The following ARL15 variants were observed in gnomAD, a reference collection of about 807,000 sequenced individuals.
The protein encoded by ARL15 is ADP-ribosylation factor-like protein 15.
Under a neutral mutation model 25.2 loss-of-function variants are expected in ARL15, and 19 were observed. That is an observed-to-expected ratio of 0.75 (90% CI 0.53 to 1.10). ARL15 has a LOEUF of 1.10. ARL15 is among the 50% of genes least tolerant of loss of function. ARL15 has a pLI of 0.00. For missense variants in ARL15, 220 were observed against 246.0 expected (o/e 0.89, Z 0.71); for synonymous variants, 94 against 86.8 (o/e 1.08, Z -0.46).
chr5:53,981,160 T>C (rs1204789241), intron 4 of ARL15, among the ~76,000 whole-genome samples: 1 of 152,112 alleles, frequency 6.6e-6, no homozygotes, highest in East Asian at 1.9e-4. Flanking sequence ...AAACTGAAGA[T>C]ATAATAACTA....
intron 1 of ARL15, among the ~76,000 whole-genome samples, chr5:54,225,386 T>C (rs1756490749): frequency 6.6e-6 from 1 of 151,860 alleles, no homozygotes; most frequent in Non-Finnish European, 1.5e-5. Context: ...ATGTCAAAGG[T>C]GGTGGAGATG....
intron 4 of ARL15, among the ~76,000 whole-genome samples, chr5:54,013,539 A>G (rs887056316): frequency 6.6e-6 from 1 of 152,240 alleles, no homozygotes; most frequent in Non-Finnish European, 1.5e-5. Context: ...GAATTATGGG[A>G]AGGGCCTGAA....
chr5:54,114,450 C>G (rs959130166), intron 3 of ARL15, among the ~76,000 whole-genome samples: 47 of 142,056 alleles, frequency 3.3e-4, no homozygotes, highest in African/African-American at 1.2e-3. Context: ...GTCTCATCAG[C>G]CAAGGCATGT....
intron 4 of ARL15, among the ~76,000 whole-genome samples, chr5:53,984,637 G>A (rs777554496): frequency 5.3e-5 from 8 of 151,704 alleles, no homozygotes; most frequent in South Asian, 2.1e-4. Context: ...TGTATTACCT[G>A]GTAATAACTA....
intron 3 of ARL15, among the ~76,000 whole-genome samples, chr5:54,136,248 A>G (rs1579836329): frequency 6.6e-6 from 1 of 152,224 alleles, no homozygotes; most frequent in East Asian, 1.9e-4. Context: ...TGTATATTTA[A>G]TATGCGATTT....
At position 53,884,341 on chromosome 5, in the gene ARL15, C is replaced by T. The variant is rs1014160003; in HGVS notation, c.*2220G>A. The stretch of plus-strand genomic sequence containing the variant: ...ATGAAAGTAGGAAAAGGGACTTACA[C>T]TCCCACCCCCAGCCATCCCACCCAC... On this transcript the variant is annotated 3_prime_UTR_variant, in exon 5 of 5. Coordinates refer to ENST00000504924, the MANE Select transcript of ARL15 (RefSeq NM_019087.3). The T allele has an allele frequency of 5.4e-5, 8 of 149,268 alleles. No homozygotes were observed. The highest frequency in any genetic ancestry group is 4.0e-4 in the Admixed American group (6 of 14,908). The allele number at this position is 149,268 out of a possible 1,614,324, so 9.2% of individuals were successfully genotyped here. A position where few individuals can be genotyped will look rare whatever the true frequency, so the allele number is the denominator to read the frequency against.
intron 1 of ARL15, among the ~76,000 whole-genome samples, chr5:54,285,185 G>A (rs1004666045): frequency 2.0e-5 from 3 of 152,108 alleles, no homozygotes; most frequent in African/African-American, 4.8e-5. Context: ...TTTCAAAGAT[G>A]AATCTCATCT....
At chr5:54,085,521 A>C (rs1427863320) in intron 4 of ARL15, among the ~76,000 whole-genome samples, 2 of 152,196 alleles carry the variant, frequency 1.3e-5, no homozygotes, top group Non-Finnish European at 2.9e-5. Context: ...CACTGAACGT[A>C]CAGACTAAAA....
At chr5:54,285,104 C>T (rs1317514148) in intron 1 of ARL15, among the ~76,000 whole-genome samples, 1 of 152,148 alleles carries the variant, frequency 6.6e-6, no homozygotes, top group Non-Finnish European at 1.5e-5. Flanking sequence ...TAAACTCTGA[C>T]CCGGTAGCCT....
chr5:54,207,279 G>T (rs1418690144), intron 1 of ARL15, among the ~76,000 whole-genome samples: 3 of 152,166 alleles, frequency 2.0e-5, no homozygotes, highest in African/African-American at 7.2e-5. Flanking sequence ...TTTAAAAAGA[G>T]GCCAAACTGC....
At chr5:54,206,326 G>C (rs925782546) in intron 1 of ARL15, among the ~76,000 whole-genome samples, 1 of 152,120 alleles carries the variant, frequency 6.6e-6, no homozygotes, top group Admixed American at 6.6e-5. Flanking sequence ...CCAAGAGGTA[G>C]ATATTTATAG....
At chr5:54,264,434 G>T (rs1236265868) in intron 1 of ARL15, among the ~76,000 whole-genome samples, 1 of 152,062 alleles carries the variant, frequency 6.6e-6, no homozygotes, top group Non-Finnish European at 1.5e-5. Context: ...AAACAGCAGC[G>T]AGAGTGATCC....
In ARL15 at chr5:54,270,843, T is replaced by C. The variant is rs112455393; in HGVS notation, c.48+39589A>G. Among the ~76,000 whole-genome samples, 954 of 152,334 alleles carry C rather than the reference T, an allele frequency of 6.3e-3. 7 individuals are homozygous for C. Among genetic ancestry groups the C allele is most frequent in the African/African-American group, 0.022 (913 of 41,568 alleles). On this transcript the variant is annotated intron_variant, in intron 1 of 4. Coordinates refer to ENST00000504924, the MANE Select transcript of ARL15 (RefSeq NM_019087.3). ...TTTTGGAATGTGTCTGGGATGATGT[T>C]TCCAGAGGAGATTGGCATGTGAGTC...
chr5:54,259,667 A>G (rs1757449691), intron 1 of ARL15, among the ~76,000 whole-genome samples: 2 of 152,184 alleles, frequency 1.3e-5, no homozygotes. Context: ...GAGGTAAATG[A>G]CTACAATAAC....
chr5:54,003,183 G>T (rs1293282575), intron 4 of ARL15, among the ~76,000 whole-genome samples: 1 of 152,178 alleles, frequency 6.6e-6, no homozygotes, highest in Non-Finnish European at 1.5e-5. Flanking sequence ...CATTTTGGAA[G>T]TTACAAATAC....
chr5:54,303,655 CAAA>C (rs749656181), intron 1 of ARL15, among the ~76,000 whole-genome samples: 1 of 32,468 alleles, frequency 3.1e-5, no homozygotes, highest in Non-Finnish European at 6.5e-5. Flanking sequence ...GAGACCCTGT[CAAA>C]AAAAAAAAAA....
intron 4 of ARL15, among the ~76,000 whole-genome samples, chr5:54,015,007 C>T (rs922653111): frequency 6.6e-6 from 1 of 151,920 alleles, no homozygotes; most frequent in Admixed American, 6.6e-5. Flanking sequence ...TATTCCTAAA[C>T]CCAGGCCAGG....
chr5:54,206,937 C>G (rs775383581), intron 1 of ARL15, among the ~76,000 whole-genome samples: 1 of 152,214 alleles, frequency 6.6e-6, no homozygotes, highest in Non-Finnish European at 1.5e-5. Context: ...TCAAAATTCT[C>G]AAGTGACCAA....
chr5:54,260,366 T>C (rs1757471192), intron 1 of ARL15, among the ~76,000 whole-genome samples: 1 of 152,216 alleles, frequency 6.6e-6, no homozygotes, highest in Non-Finnish European at 1.5e-5. Context: ...CACCACTCTA[T>C]TTGACATTAC....
Sources: allele counts gnomAD v4.1 joint callset (sites outside exome capture counted in the v4.1 genomes callset), GRCh38; gene constraint gnomAD v4.1.1; transcripts MANE v1.5; gene names NCBI Gene and HGNC (gene_info 2026-07-23, HGNC 2026-07-21).